The following CHRM3 variants were observed in gnomAD, a reference collection of about 807,000 sequenced individuals.
CHRM3 encodes the protein cholinergic receptor muscarinic 3, also known as muscarinic acetylcholine receptor M3.
Under a neutral mutation model 41.8 loss-of-function variants are expected in CHRM3, and 11 were observed. The ratio of observed to expected loss-of-function variants is 0.26; its 90% CI spans 0.17 to 0.44. CHRM3 has a LOEUF of 0.44. Ranked by LOEUF, CHRM3 falls within the 20% of genes least tolerant of loss-of-function variation. CHRM3 has a pLI of 1.00. For missense variants in CHRM3, 571 were observed against 745.4 expected, an observed-to-expected ratio of 0.77 and a Z score of 2.72; for synonymous variants, 297 against 301.4, an observed-to-expected ratio of 0.99 and a Z score of 0.15.
chr1:239,718,086 G>A (rs1268806538), intron 5 of CHRM3, among the ~76,000 whole-genome samples: 2 of 152,000 alleles, frequency 1.3e-5, no homozygotes, highest in Non-Finnish European at 2.9e-5. Flanking sequence ...AAAGATGACA[G>A]TGCATGTTAT....
intron 5 of CHRM3, among the ~76,000 whole-genome samples, chr1:239,816,166 C>A (rs1351275965): frequency 6.6e-6 from 1 of 152,132 alleles, no homozygotes; most frequent in Non-Finnish European, 1.5e-5. Flanking sequence ...GCTGGCAGAG[C>A]TTCTGAGCTG....
At chr1:239,404,005 G>GAGAGAGAGAGAGAT (rs1660217393) in intron 1 of CHRM3, among the ~76,000 whole-genome samples, 1 of 148,738 alleles carries the variant, frequency 6.7e-6, no homozygotes, top group Non-Finnish European at 1.5e-5. Flanking sequence ...GAGAGAGAGA[G>GAGAGAGAGAGAGAT]AGAGAGAGAT....
intron 6 of CHRM3, among the ~76,000 whole-genome samples, chr1:239,846,518 T>C (rs1333242540): frequency 6.6e-6 from 1 of 152,120 alleles, no homozygotes; most frequent in East Asian, 1.9e-4. Flanking sequence ...TTTGCCAGGT[T>C]ATGAGAAAAA....
chr1:239,518,891 T>C (rs1486652604), intron 2 of CHRM3, among the ~76,000 whole-genome samples: 1 of 152,244 alleles, frequency 6.6e-6, no homozygotes, highest in Non-Finnish European at 1.5e-5. Context: ...GTATTTGCAT[T>C]GTACAAATTT....
chr1:239,912,913 C>A lies in CHRM3; in HGVS notation c.*3689C>A, dbSNP rs1276199630. On this transcript the variant is annotated 3_prime_UTR_variant, in exon 7 of 7. Transcript: ENST00000676153. ...GTTTGGTCACTGCTTAGTTACATGT[C>A]CTTAGGAATGCTTGTCACTTAACCT... 6.0e-6 allele frequency: 1 copy of A among 167,066 alleles called. No homozygotes were observed. The highest frequency in any genetic ancestry group is 1.9e-4 in the East Asian group (1 of 5,198). The allele number at this position is 167,066 out of a possible 1,614,324, so 10.3% of individuals were successfully genotyped here. A position where few individuals can be genotyped will look rare whatever the true frequency, so the allele number is the denominator to read the frequency against.
intron 5 of CHRM3, among the ~76,000 whole-genome samples, chr1:239,744,058 C>G (rs1034666860): frequency 9.9e-5 from 15 of 151,190 alleles, no homozygotes; most frequent in Admixed American, 9.2e-4. Context: ...AATCCTTCCA[C>G]CTAGGCCTCC....
At chr1:239,489,276 G>A (rs1667404833) in intron 1 of CHRM3, among the ~76,000 whole-genome samples, 1 of 152,186 alleles carries the variant, frequency 6.6e-6, no homozygotes, top group East Asian at 1.9e-4. Context: ...GCCGGGCGTG[G>A]GGACACATGC....
chr1:239,556,383 A>C (rs1199399138), intron 3 of CHRM3, among the ~76,000 whole-genome samples: 1 of 152,186 alleles, frequency 6.6e-6, no homozygotes, highest in Non-Finnish European at 1.5e-5. Context: ...GTCAAATGAT[A>C]TCGTCTCATG....
At chr1:239,864,873 T>A (rs2149289408) in intron 6 of CHRM3, among the ~76,000 whole-genome samples, 1 of 152,264 alleles carries the variant, frequency 6.6e-6, no homozygotes, top group Non-Finnish European at 1.5e-5. Context: ...ACATTAATGT[T>A]GTCAAGAGAG....
At chr1:239,688,615 A>G (rs1346662584) in intron 5 of CHRM3, among the ~76,000 whole-genome samples, 1 of 133,198 alleles carries the variant, frequency 7.5e-6, no homozygotes, top group Non-Finnish European at 1.6e-5. Flanking sequence ...TACATAATAT[A>G]TTACTCAGTA....
intron 6 of CHRM3, among the ~76,000 whole-genome samples, chr1:239,849,674 A>G (rs564880638): frequency 3.3e-5 from 5 of 152,196 alleles, no homozygotes; most frequent in Non-Finnish European, 5.9e-5. Context: ...TGATTTGACC[A>G]TAGACGCTCC....
At chr1:239,427,703 A>G (rs1261976803) in intron 1 of CHRM3, among the ~76,000 whole-genome samples, 2 of 151,940 alleles carry the variant, frequency 1.3e-5, no homozygotes, top group Admixed American at 6.6e-5. Flanking sequence ...CAATGAGATG[A>G]TGATCAGAGG....
chr1:239,759,357 A>G (rs974107161), intron 5 of CHRM3, among the ~76,000 whole-genome samples: 11 of 151,374 alleles, frequency 7.3e-5, no homozygotes, highest in African/African-American at 2.7e-4. Flanking sequence ...AATTTTACCT[A>G]GGATTTTATT....
At chr1:239,884,067 T>C (rs950003724) in intron 6 of CHRM3, among the ~76,000 whole-genome samples, 2 of 152,222 alleles carry the variant, frequency 1.3e-5, no homozygotes, top group African/African-American at 4.8e-5. Flanking sequence ...CAAACTTGCA[T>C]GTTTTATGTT....
At chr1:239,838,500 G>A (rs1426704570) in intron 6 of CHRM3, among the ~76,000 whole-genome samples, 4 of 152,028 alleles carry the variant, frequency 2.6e-5, no homozygotes, top group African/African-American at 7.2e-5. Context: ...CCTCCTCTTA[G>A]CATTTGTAAA....
chr1:239,768,606 T>C (rs1667410259), intron 5 of CHRM3, among the ~76,000 whole-genome samples: 1 of 152,316 alleles, frequency 6.6e-6, no homozygotes, highest in South Asian at 2.1e-4. Context: ...TTCTCCTTTT[T>C]TCCTTCATCT....
chr1:239,454,057 A>G (rs1664753231), intron 1 of CHRM3, among the ~76,000 whole-genome samples: 1 of 152,076 alleles, frequency 6.6e-6, no homozygotes, highest in African/African-American at 2.4e-5. Context: ...AGTTTCCCCC[A>G]AGCACCAAGC....
At chr1:239,640,432 A>G (rs1339344529) in intron 4 of CHRM3, among the ~76,000 whole-genome samples, 1 of 152,090 alleles carries the variant, frequency 6.6e-6, no homozygotes, top group Non-Finnish European at 1.5e-5. Context: ...GATTATTGCC[A>G]CAATTTCAGA....
chr1:239,850,525 A>C (rs1443875878), intron 6 of CHRM3, among the ~76,000 whole-genome samples: 1 of 152,174 alleles, frequency 6.6e-6, no homozygotes, highest in Non-Finnish European at 1.5e-5. Context: ...CTTTTCAAAA[A>C]TGTCATCTCA....
Sources: allele counts gnomAD v4.1 joint callset (sites outside exome capture counted in the v4.1 genomes callset), GRCh38; gene constraint gnomAD v4.1.1; transcripts MANE v1.5; gene names NCBI Gene and HGNC (gene_info 2026-07-23, HGNC 2026-07-21).